Variants in ANK3 observed in about 807,000 individuals in gnomAD.
ANK3 encodes the protein ankyrin-3.
A neutral mutation model predicts 370.9 loss-of-function variants in ANK3; 57 were observed. The observed-to-expected ratio is 0.15, with a 90% confidence interval of 0.12 to 0.19. ANK3 has a LOEUF of 0.19. Ranked by LOEUF, ANK3 falls within the 10% of genes least tolerant of loss-of-function variation. ANK3 has a pLI of 1.00. For missense variants in ANK3, 4,439 were observed against 5,302.1 expected (o/e 0.84, Z 5.06); for synonymous variants, 1,929 against 1,946.3 (o/e 0.99, Z 0.23).
At chr10:60,685,188 A>T (rs2079251636) in intron 1 of ANK3, 2 of 448,018 alleles carry the variant, frequency 4.5e-6, no homozygotes, top group Non-Finnish European at 8.3e-6. Context: ...GGATGCTATT[A>T]AAGCTTTGTA....
chr10:60,482,094 C>T (rs919728655), intron 2 of ANK3, among the ~76,000 whole-genome samples: 3 of 152,104 alleles, frequency 2.0e-5, no homozygotes, highest in Admixed American at 2.0e-4. Context: ...ATATTGTTCC[C>T]TTGATTATGA....
intron 2 of ANK3, among the ~76,000 whole-genome samples, chr10:60,496,017 G>A (rs1401542224): frequency 6.6e-6 from 1 of 151,500 alleles, no homozygotes; most frequent in Non-Finnish European, 1.5e-5. Context: ...TGTCAAGAAT[G>A]GCAAAATTGT....
chr10:60,585,783 G>C (rs780527499), intron 2 of ANK3, among the ~76,000 whole-genome samples: 1 of 152,158 alleles, frequency 6.6e-6, no homozygotes, highest in Non-Finnish European at 1.5e-5. Flanking sequence ...CAGCACTTTG[G>C]GGGGCCAAGG....
At chr10:60,499,995 G>T (rs1483626434) in intron 2 of ANK3, among the ~76,000 whole-genome samples, 1 of 151,970 alleles carries the variant, frequency 6.6e-6, no homozygotes, top group African/African-American at 2.4e-5. Context: ...GAAACACTTA[G>T]GTTGACTAAA....
chr10:60,215,141 T>G (rs932639174), intron 8 of ANK3, among the ~76,000 whole-genome samples: 1 of 152,262 alleles, frequency 6.6e-6, no homozygotes, highest in African/African-American at 2.4e-5. Flanking sequence ...CATATGCTTC[T>G]TGGCCGCATA....
At chr10:60,527,264 C>G (rs1249563276) in intron 2 of ANK3, among the ~76,000 whole-genome samples, 1 of 152,086 alleles carries the variant, frequency 6.6e-6, no homozygotes, top group African/African-American at 2.4e-5. Context: ...CTAGGTAAGC[C>G]TAACATTCAT....
chr10:60,654,496 T>C (rs1470301585), intron 1 of ANK3, among the ~76,000 whole-genome samples: 1 of 152,226 alleles, frequency 6.6e-6, no homozygotes, highest in Non-Finnish European at 1.5e-5. Flanking sequence ...GTGTTTATTA[T>C]GAATATCAAT....
chr10:60,417,245 G>A (rs574933111), intron 2 of ANK3, among the ~76,000 whole-genome samples: 25 of 152,314 alleles, frequency 1.6e-4, no homozygotes, highest in African/African-American at 5.5e-4. Flanking sequence ...GGTTCTGGAA[G>A]ATGTCATGAG....
intron 2 of ANK3, among the ~76,000 whole-genome samples, chr10:60,603,286 C>T (rs146393392): frequency 1.2e-3 from 189 of 152,226 alleles, no homozygotes; most frequent in African/African-American, 4.2e-3. Flanking sequence ...TAACTAGAAC[C>T]TCACTTGCTC....
chr10:60,552,530 A>C (rs1320449236), intron 2 of ANK3, among the ~76,000 whole-genome samples: 1 of 152,192 alleles, frequency 6.6e-6, no homozygotes, highest in Non-Finnish European at 1.5e-5. Context: ...TTGGTATTGC[A>C]CTTTAGTGAA....
At chr10:60,162,902 T>C (rs561914927) in intron 23 of ANK3, among the ~76,000 whole-genome samples, 6 of 152,208 alleles carry the variant, frequency 3.9e-5, no homozygotes, top group African/African-American at 1.2e-4. Flanking sequence ...GTAACTACAC[T>C]CCAATCCACT....
At chr10:60,628,439 C>T (rs2078438973) in intron 1 of ANK3, among the ~76,000 whole-genome samples, 1 of 152,130 alleles carries the variant, frequency 6.6e-6, no homozygotes, top group African/African-American at 2.4e-5. Flanking sequence ...TCTCAAATCC[C>T]CCATGATCAT....
intron 35 of ANK3, chr10:60,081,553 G>A (rs117679369): frequency 6.9e-6 from 3 of 434,868 alleles, no homozygotes; most frequent in Non-Finnish European, 1.4e-5. Context: ...AATTTCTTTA[G>A]TGAGAGTATC....
chr10:60,130,911 G>A (rs1458755847), intron 25 of ANK3, among the ~76,000 whole-genome samples: 1 of 152,072 alleles, frequency 6.6e-6, no homozygotes, highest in Admixed American at 6.6e-5. Flanking sequence ...TTTTGAAATT[G>A]TTCACACAAA....
intron 1 of ANK3, among the ~76,000 whole-genome samples, chr10:60,638,354 G>T (rs1278523979): frequency 2.0e-5 from 3 of 152,104 alleles, no homozygotes; most frequent in African/African-American, 7.2e-5. Context: ...GCACTACTCT[G>T]GACCTGCCAT....
intron 23 of ANK3, among the ~76,000 whole-genome samples, chr10:60,152,810 C>A (rs2095191119): frequency 6.6e-6 from 1 of 152,110 alleles, no homozygotes; most frequent in African/African-American, 2.4e-5. Flanking sequence ...ACATCCCCCA[C>A]CCCAAACACA....
At chr10:60,628,848 G>T (rs2078444724) in intron 1 of ANK3, among the ~76,000 whole-genome samples, 3 of 152,184 alleles carry the variant, frequency 2.0e-5, no homozygotes, top group Admixed American at 2.0e-4. Context: ...ATGATTATTT[G>T]TAGACAATTG....
At chr10:60,040,818 A>G (rs1216237659) in intron 43 of ANK3, among the ~76,000 whole-genome samples, 1 of 152,188 alleles carries the variant, frequency 6.6e-6, no homozygotes, top group Non-Finnish European at 1.5e-5. Flanking sequence ...TGATTGAACA[A>G]GCTGCTAAAC....
intron 35 of ANK3, chr10:60,081,417 T>G (rs921240534): frequency 1.1e-5 from 4 of 370,642 alleles, no homozygotes; most frequent in African/African-American, 8.5e-5. Flanking sequence ...TACTGCATCC[T>G]AAGGCTACTT....
Sources: allele counts gnomAD v4.1 joint callset (sites outside exome capture counted in the v4.1 genomes callset), GRCh38; gene constraint gnomAD v4.1.1; transcripts MANE v1.5; gene names NCBI Gene and HGNC (gene_info 2026-07-23, HGNC 2026-07-21).